Variants in BBS1 observed in about 807,000 individuals in gnomAD.
BBS1 encodes Bardet-Biedl syndrome 1.
In BBS1, 60 loss-of-function variants were observed where a neutral mutation model predicts 73.9. The observed-to-expected ratio is 0.81, with a 90% CI of 0.66 to 1.01. The LOEUF is 1.01. Among genes scored for constraint, BBS1 ranks in the 50% least tolerant of loss-of-function variants. The pLI is 0.00. For missense variants in BBS1, 718 were observed against 770.3 expected, an observed-to-expected ratio of 0.93 and a Z score of 0.80; for synonymous variants, 283 against 317.4, an observed-to-expected ratio of 0.89 and a Z score of 1.15.
intron 3 of BBS1, among the ~76,000 whole-genome samples, chr11:66,512,054 G>A (rs1311900514): frequency 4.1e-5 from 6 of 145,414 alleles, no homozygotes; most frequent in East Asian, 2.0e-4. Context: ...ATATATATGT[G>A]TATATATATG....
At chr11:66,517,935 T>C (rs2134777366) in intron 7 of BBS1, among the ~76,000 whole-genome samples, 1 of 149,808 alleles carries the variant, frequency 6.7e-6, no homozygotes, top group East Asian at 2.0e-4. Flanking sequence ...ACTAGGATTA[T>C]ACTAACGTCA....
intron 3 of BBS1, 149 bp from the exon 4 acceptor site, chr11:66,514,256 CT>C: frequency 9.5e-7 from 1 of 1,049,510 alleles, no homozygotes; most frequent in East Asian, 2.4e-5. Flanking sequence ...GGTTAGTCAA[CT>C]TTCCCAAGGT....
Position 66,526,122 on chromosome 11 carries a change from G to C in BBS1, c.1111-1G>C. 6.2e-7 allele frequency: 1 copy of C among 1,614,134 alleles called. No individual in the cohort carries two copies. The highest frequency in any genetic ancestry group is 8.5e-7 in the Non-Finnish European group (1 of 1,180,010). ...AACTAAACTCTGACGTCTCCACATA[G>C]GATGCAGTGACCAGCCTTTGCTTTG... On this transcript the variant is annotated splice_acceptor_variant, in intron 11 of 16. Transcript: ENST00000318312. LOFTEE classifies it high-confidence loss of function.
chr11:66,511,295 G>T (rs1165029443), intron 3 of BBS1, 56 bp downstream of exon 3: 5 of 1,591,444 alleles, frequency 3.1e-6, no homozygotes, highest in Non-Finnish European at 4.3e-6. Flanking sequence ...ACCCAGAAAT[G>T]AGATTTCCTG....
chr11:66,514,345 A>G, intron 3 of BBS1, 61 bp from the exon 4 acceptor site: 1 of 1,596,438 alleles, frequency 6.3e-7, no homozygotes, highest in African/African-American at 1.3e-5. Flanking sequence ...TAAGGCAAGA[A>G]GAGGGTCAGT....
intron 7 of BBS1, 67 bp downstream of exon 7, chr11:66,516,000 A>G (rs1856041376): frequency 2.0e-6 from 3 of 1,479,274 alleles, no homozygotes; most frequent in South Asian, 1.1e-5. Flanking sequence ...ACCACTTAAC[A>G]TCAGTGGTAA....
At chr11:66,516,313 AC>A (rs1384372191) in intron 7 of BBS1, among the ~76,000 whole-genome samples, 1 of 151,802 alleles carries the variant, frequency 6.6e-6, no homozygotes, top group Admixed American at 6.6e-5. Context: ...TTTAGTAGAG[AC>A]GGGGTTTCAC....
intron 14 of BBS1, 53 bp from the exon 15 acceptor site, chr11:66,530,841 C>G (rs1053933472): frequency 1.9e-6 from 3 of 1,612,880 alleles, no homozygotes; most frequent in African/African-American, 2.7e-5. Flanking sequence ...CACTGTACTC[C>G]GTGCCCAAGG....
chr11:66,519,306 G>T (rs1215895133), intron 7 of BBS1, among the ~76,000 whole-genome samples: 1 of 152,172 alleles, frequency 6.6e-6, no homozygotes, highest in Non-Finnish European at 1.5e-5. Flanking sequence ...GCGAGGCAGA[G>T]GTTGCAGTGA....
chr11:66,511,085 C>G lies in BBS1; in HGVS notation c.120C>G (p.Cys40Trp). ...PMANIHTFSA[C>W]LALADLHGDG... ...CCAATATCCACACCTTTTCTGCCTG[C>G]CTAGGTGAGTCTCTGGAACCAGGAA... Residue 40 changes from cysteine (C) to tryptophan (W), a missense_variant, in exon 2 of 17, where the codon TGC becomes TGG. Cys to Trp is a radical substitution (Grantham distance 215). Transcript: ENST00000318312. The G allele has an allele frequency of 6.2e-7, 1 of 1,614,178 alleles. No individual in the cohort carries two copies. Among genetic ancestry groups the G allele is most frequent in the Non-Finnish European group, 8.5e-7 (1 of 1,180,028 alleles).
chr11:66,529,316 A>G, intron 13 of BBS1: 2 of 1,536,270 alleles, frequency 1.3e-6, no homozygotes, highest in South Asian at 2.4e-5. Context: ...CAGGACCATG[A>G]GGCTGGTTTC....
chr11:66,530,903 C>T lies in BBS1; in HGVS notation c.1483C>T (p.Leu495Phe), dbSNP rs1856750943. 1 of 1,614,238 alleles carries T rather than the reference C, an allele frequency of 6.2e-7. No homozygotes were observed. The highest frequency in any genetic ancestry group is 1.1e-5 in the South Asian group (1 of 91,086). The change falls in exon 15 of 17, where the codon CTT becomes TTT. Residue 495 changes from leucine to phenylalanine, a missense_variant. Coordinates refer to ENST00000318312, the MANE Select transcript of BBS1 (RefSeq NM_024649.5). The part of the protein sequence containing the change: ...PLKLHAVVQG[L>F]GPTFKLTLHL... ...CCCACCCTCTCCATAGGTTCAGGGC[C>T]TTGGCCCCACCTTTAAGCTCACACT...
intron 11 of BBS1, among the ~76,000 whole-genome samples, chr11:66,525,882 G>C (rs1365839060): frequency 6.6e-6 from 1 of 152,178 alleles, no homozygotes; most frequent in Non-Finnish European, 1.5e-5. Context: ...CGAAAGACGA[G>C]TCTGGGAGAT....
At chr11:66,519,906 A>G (rs193139917) in intron 8 of BBS1, 158 bp downstream of exon 8, 74 of 887,464 alleles carry the variant, frequency 8.3e-5, no homozygotes, top group African/African-American at 3.4e-5. Context: ...CCTACCGCCT[A>G]TGGATGTATA....
intron 13 of BBS1, 34 bp from the exon 14 acceptor site, chr11:66,529,785 C>T (rs1396978273): frequency 1.9e-6 from 3 of 1,608,176 alleles, no homozygotes; most frequent in Non-Finnish European, 2.5e-6. Flanking sequence ...CACCCCCCAC[C>T]TCCACCGTCA....
At chr11:66,526,993 C>T (rs1856542715) in intron 13 of BBS1, 186 bp downstream of exon 13, 2 of 1,539,594 alleles carry the variant, frequency 1.3e-6, no homozygotes, top group African/African-American at 2.7e-5. Flanking sequence ...CACTGTTCCT[C>T]AGGCTGGAAG....
Position 66,519,350 on chromosome 11 carries a change from G to A in BBS1, c.592-267G>A, listed in dbSNP as rs567080556. Among the ~76,000 whole-genome samples, 8 of 152,176 alleles carry A rather than the reference G, an allele frequency of 5.3e-5. No individual in the cohort carries two copies. The South Asian group carries it at 1.5e-3, about 28-fold the overall frequency. On this transcript the variant is annotated intron_variant, in intron 7 of 16. Coordinates refer to ENST00000318312, the MANE Select transcript of BBS1 (RefSeq NM_024649.5). ...TGTACCACTGCACTCCTGCCTGGGC[G>A]ACAGAGCGAGAACCTGTCTCAAGAA...
Position 66,521,255 on chromosome 11 carries a change from GCTT to G in BBS1, c.724-11_724-9del. ...GCTCCAGAGAAATTGGAGTGTTTGCGCTTCTTGTTTGCAGATGAGCCTTCCCAG... is the reference window on the plus strand; with the variant it reads ...GCTCCAGAGAAATTGGAGTGTTTGCGCTTGTTTGCAGATGAGCCTTCCCAG... On this transcript the variant is annotated splice_polypyrimidine_tract_variant and intron_variant, in intron 8 of 16. Transcript: ENST00000318312. 6.2e-7 allele frequency: 1 copy of G among 1,604,928 alleles called. No homozygotes were observed. Among genetic ancestry groups the G allele is most frequent in the African/African-American group, 1.3e-5 (1 of 74,874 alleles).
rs543291857 is a variant in BBS1, at chr11:66,515,394, G to A, written c.433-146G>A. The A allele has an allele frequency of 2.9e-4, 245 of 837,762 alleles. 1 individual carries two copies. The highest frequency in any genetic ancestry group is 4.6e-4 in the Non-Finnish European group (228 of 493,246). The allele number at this position is 837,762 out of a possible 1,614,324, so 51.9% of individuals were successfully genotyped here. On this transcript the variant is annotated intron_variant, in intron 4 of 16. Coordinates refer to ENST00000318312, the MANE Select transcript of BBS1 (RefSeq NM_024649.5). ...ATGAGACTGGATTCAGATAAAGGAC[G>A]TGAGCTTGGTGCTCAGTGCAGAGGT...
Sources: gnomAD v4.1 joint callset for allele counts (sites outside exome capture counted in the v4.1 genomes callset) on GRCh38, gnomAD v4.1.1 for gene constraint, MANE v1.5 for transcripts, NCBI Gene and HGNC (gene_info 2026-07-23, HGNC 2026-07-21) for gene names.